The following QSER1 variants were observed in gnomAD, a reference collection of about 807,000 sequenced individuals.
The protein encoded by QSER1 is glutamine and serine rich 1.
QSER1 carries 49 observed loss-of-function variants against 158.5 expected under a neutral mutation model. That is an observed-to-expected ratio of 0.31 (90% CI 0.25 to 0.39). The LOEUF (loss-of-function observed/expected upper bound fraction) is 0.39. QSER1 is among the 10% of genes least tolerant of loss of function. The pLI, the probability that QSER1 is intolerant of heterozygous loss-of-function variation, is 1.00. For synonymous variants in QSER1, 650 were observed against 715.5 expected (o/e 0.91, Z 1.46); for missense variants, 1,754 against 2,010.3 (o/e 0.87, Z 2.44).
chr11:32,898,577 T>A lies in QSER1; in HGVS notation c.209+5243T>A, dbSNP rs184579358. Among the ~76,000 whole-genome samples the A allele has an allele frequency of 5.0e-3, 758 of 152,148 alleles. 3 individuals carry two copies. The highest frequency in any genetic ancestry group is 6.6e-3 in the Non-Finnish European group (447 of 67,990). ...TCTGCGTTTACTGACCAATTTTTTT[T>A]AATTTATTTTCTTTTTTATTTTTTC... is the stretch of plus-strand genomic sequence containing the variant. On this transcript the variant is annotated intron_variant, in intron 1 of 12. Transcript: ENST00000650167.
chr11:32,906,336 C>T (rs527718974), intron 1 of QSER1, among the ~76,000 whole-genome samples: 6 of 151,976 alleles, frequency 3.9e-5, no homozygotes, highest in Admixed American at 3.3e-4. Flanking sequence ...GCAGGAGAAT[C>T]GCTTGAACCT....
intron 1 of QSER1, among the ~76,000 whole-genome samples, chr11:32,926,420 T>A (rs1823045688): frequency 6.6e-6 from 1 of 152,172 alleles, no homozygotes; most frequent in Non-Finnish European, 1.5e-5. Context: ...CTCCAAGTTA[T>A]TTTCAAGTTG....
In QSER1 at chr11:32,945,418, T is replaced by G. The variant is rs1320963806; in HGVS notation, c.4178-8439T>G. ...TTTAGCGCTTCCTTCAGGAGCTCTT[T>G]TAGGGCAGGCCTGGTGGTGACAAAA... On this transcript the variant is annotated intron_variant, in intron 4 of 12. Transcript: ENST00000650167. Among the ~76,000 whole-genome samples the G allele has an allele frequency of 4.0e-5, 6 of 151,122 alleles. No individual in the cohort carries two copies. In the East Asian group the frequency reaches 9.7e-4, roughly 24 times the overall value.
At chr11:32,947,613 AG>A (rs1395622864) in intron 4 of QSER1, among the ~76,000 whole-genome samples, 4 of 152,152 alleles carry the variant, frequency 2.6e-5, no homozygotes, top group Non-Finnish European at 4.4e-5. Flanking sequence ...GGGTTATAGT[AG>A]GGTTTGTATT....
chr11:32,974,425 C>CAA (rs34050306), intron 11 of QSER1, among the ~76,000 whole-genome samples: 7 of 91,806 alleles, frequency 7.6e-5, no homozygotes, highest in Admixed American at 1.2e-4. Flanking sequence ...GACACTGTCT[C>CAA]AAAAAAAAAA....
At chr11:32,908,049 A>G (rs543281046) in intron 1 of QSER1, among the ~76,000 whole-genome samples, 19 of 152,318 alleles carry the variant, frequency 1.2e-4, no homozygotes, top group African/African-American at 1.9e-4. Flanking sequence ...GCAGTGAGCC[A>G]TGATCACCTC....
chr11:32,948,443 T>C (rs1209839857), intron 4 of QSER1, among the ~76,000 whole-genome samples: 2 of 152,136 alleles, frequency 1.3e-5, no homozygotes, highest in African/African-American at 4.8e-5. Flanking sequence ...TGGGGAAACA[T>C]AGTGAGAGCC....
chr11:32,965,601 A>T lies in QSER1; in HGVS notation c.4970-699A>T, dbSNP rs555584474. Among the ~76,000 whole-genome samples, 4 of 152,202 alleles carry T rather than the reference A, an allele frequency of 2.6e-5. No homozygotes were observed. The East Asian group carries it at 7.8e-4, about 29-fold the overall frequency. ...AGATGTCTGTGGTGGGATCCAGCAG[A>T]AGACAAATAGTTTCTTACCCAGTCT... On this transcript the variant is annotated intron_variant, in intron 8 of 12. Transcript: ENST00000650167.
At chr11:32,936,401 G>A (rs575614544) in intron 4 of QSER1, among the ~76,000 whole-genome samples, 54 of 152,208 alleles carry the variant, frequency 3.5e-4, no homozygotes, top group African/African-American at 1.3e-3. Context: ...ATTCCATGGT[G>A]TATATGTGCC....
At chr11:32,958,139 T>G in intron 8 of QSER1, 53 bp downstream of exon 8, 1 of 1,355,792 alleles carries the variant, frequency 7.4e-7, no homozygotes, top group Non-Finnish European at 1.0e-6. Flanking sequence ...TCTACATGAG[T>G]GGTGAGGAGC....
rs759527788 is a variant in QSER1 at position 32,933,184 on chromosome 11, G to A, written c.1926G>A (p.Gln642=). ...AAGAGTCATCATCTCCCCAGTCCCA[G>A]AAGTTTTTGCCTGCTGTCCAGTCAT... The part of the protein sequence containing the change: ...QTQESSSPQS[Q]KFLPAVQSSS... Residue 642 remains glutamine, a synonymous_variant, in exon 4 of 13, where the codon CAG becomes CAA. Coordinates refer to ENST00000650167, the MANE Select transcript of QSER1 (RefSeq NM_001076786.3). The A allele has an allele frequency of 1.2e-6, 2 of 1,613,830 alleles. No homozygotes were observed. Among genetic ancestry groups the A allele is most frequent in the South Asian group, 1.1e-5 (1 of 91,018 alleles).
Position 32,934,060 on chromosome 11 carries a change from A to T in QSER1, c.2802A>T (p.Leu934Phe). 6.2e-7 allele frequency: 1 copy of T among 1,613,934 alleles called. No individual in the cohort carries two copies. Among genetic ancestry groups the T allele is most frequent in the Non-Finnish European group, 8.5e-7 (1 of 1,179,966 alleles). ...KMDLSESSKP[L>F]QQHLTTKGHF... ...ACCTCTCTGAGTCTTCAAAACCATT[A>T]CAACAACATCTAACAACAAAGGGCC... The change falls in exon 4 of 13, where the codon TTA (leucine) becomes TTT (phenylalanine). Residue 934 changes from leucine to phenylalanine, a missense_variant. Physicochemically the swap from Leu to Phe is conservative, Grantham distance 22. Transcript: ENST00000650167.
chr11:32,962,097 C>T (rs1257799709), intron 8 of QSER1, among the ~76,000 whole-genome samples: 1 of 152,186 alleles, frequency 6.6e-6, no homozygotes, highest in Non-Finnish European at 1.5e-5. Context: ...TATATTCCCA[C>T]CAGGAAAGCA....
intron 4 of QSER1, among the ~76,000 whole-genome samples, chr11:32,951,289 T>C (rs1235276628): frequency 1.3e-5 from 2 of 152,220 alleles, no homozygotes; most frequent in South Asian, 4.1e-4. Flanking sequence ...TTCCATTGAT[T>C]TGTATCTATG....
At chr11:32,957,793 T>G (rs1178880557) in intron 7 of QSER1, 76 bp from the exon 8 acceptor site, 1 of 1,186,944 alleles carries the variant, frequency 8.4e-7, no homozygotes, top group East Asian at 2.5e-5. Context: ...CTCCTGTGAT[T>G]CTCTTTTATT....
intron 4 of QSER1, among the ~76,000 whole-genome samples, chr11:32,942,494 T>C (rs1363683302): frequency 5.3e-5 from 8 of 150,476 alleles, no homozygotes; most frequent in African/African-American, 1.9e-4. Flanking sequence ...TAGGGAATCC[T>C]TTCCCCATTG....
At chr11:32,904,049 T>A (rs1851658680) in intron 1 of QSER1, among the ~76,000 whole-genome samples, 1 of 152,206 alleles carries the variant, frequency 6.6e-6, no homozygotes. Context: ...TTCTGGTGTT[T>A]TAATTTCGGC....
chr11:32,947,224 C>CTA (rs1852351339), intron 4 of QSER1, among the ~76,000 whole-genome samples: 1 of 148,674 alleles, frequency 6.7e-6, no homozygotes, highest in Non-Finnish European at 1.5e-5. Context: ...TAGACCGGAG[C>CTA]TGTTCCTATT....
chr11:32,910,055 C>T (rs1030728830), intron 1 of QSER1, among the ~76,000 whole-genome samples: 7 of 152,156 alleles, frequency 4.6e-5, no homozygotes, highest in African/African-American at 1.7e-4. Flanking sequence ...TACCTTTCCA[C>T]GATCTCCTAC....
Sources: gnomAD v4.1 joint callset for allele counts (sites outside exome capture counted in the v4.1 genomes callset) on GRCh38, gnomAD v4.1.1 for gene constraint, MANE v1.5 for transcripts, NCBI Gene and HGNC (gene_info 2026-07-23, HGNC 2026-07-21) for gene names.